The following TMEM117 variants were observed in gnomAD, a reference collection of about 807,000 sequenced individuals.
The protein encoded by TMEM117 is transmembrane protein 117.
A neutral mutation model predicts 52.4 loss-of-function variants in TMEM117; 27 were observed. The observed-to-expected ratio is 0.51, with a 90% CI of 0.38 to 0.71. TMEM117 has a LOEUF of 0.71. Ranked by LOEUF, TMEM117 falls within the 30% of genes least tolerant of loss-of-function variation. The pLI is 0.00. For synonymous variants in TMEM117, 215 were observed against 206.3 expected, an observed-to-expected ratio of 1.04 and a Z score of -0.36; for missense variants, 556 against 630.5, an observed-to-expected ratio of 0.88 and a Z score of 1.26.
intron 2 of TMEM117, among the ~76,000 whole-genome samples, chr12:43,903,428 C>T (rs896223172): frequency 6.6e-6 from 1 of 152,070 alleles, no homozygotes; most frequent in African/African-American, 2.4e-5. Context: ...AGTCATCTCA[C>T]ATAAAAAATG....
intron 4 of TMEM117, among the ~76,000 whole-genome samples, chr12:44,193,413 T>G (rs1949380401): frequency 6.6e-6 from 1 of 152,166 alleles, no homozygotes; most frequent in African/African-American, 2.4e-5. Flanking sequence ...AAAGTGTGAC[T>G]CAAACCCAGA....
At chr12:44,273,927 C>A (rs1174782517) in intron 5 of TMEM117, among the ~76,000 whole-genome samples, 1 of 152,076 alleles carries the variant, frequency 6.6e-6, no homozygotes, top group East Asian at 1.9e-4. Flanking sequence ...AGAATGCCCA[C>A]TTTCAACACT....
chr12:44,168,762 G>A (rs537375139), intron 4 of TMEM117, among the ~76,000 whole-genome samples: 2 of 151,234 alleles, frequency 1.3e-5, no homozygotes, highest in East Asian at 2.0e-4. Context: ...GTCTGGTGAC[G>A]CTGGTCATTC....
intron 3 of TMEM117, among the ~76,000 whole-genome samples, chr12:44,023,772 A>G (rs991877751): frequency 1.5e-5 from 2 of 131,842 alleles, no homozygotes; most frequent in African/African-American, 5.7e-5. Flanking sequence ...ATGAGAACAC[A>G]TGGACACAGG....
At chr12:44,039,949 C>T (rs1333829791) in intron 3 of TMEM117, among the ~76,000 whole-genome samples, 1 of 151,900 alleles carries the variant, frequency 6.6e-6, no homozygotes, top group Non-Finnish European at 1.5e-5. Context: ...AATTTTTTTC[C>T]ATAAAGGTCT....
At chr12:43,830,610 CAAA>C in the TMEM117 span, among the ~76,000 whole-genome samples, 16 of 94,740 alleles carry the variant, frequency 1.7e-4, no homozygotes, top group Non-Finnish European at 2.1e-4. Flanking sequence ...ACACTTGTCT[CAAA>C]AAAAAAAAAA....
chr12:43,798,636 ATCAC>A, the TMEM117 span: 3 of 1,428,994 alleles, frequency 2.1e-6, no homozygotes, highest in Non-Finnish European at 2.8e-6. Context: ...AAAAAAAAAA[ATCAC>A]ATAAAAAGCC....
intron 2 of TMEM117, among the ~76,000 whole-genome samples, chr12:43,942,465 T>G (rs962439037): frequency 6.6e-6 from 1 of 152,160 alleles, no homozygotes; most frequent in African/African-American, 2.4e-5. Context: ...ATCTTATAAT[T>G]TGTGGGGGCT....
intron 4 of TMEM117, among the ~76,000 whole-genome samples, chr12:44,152,866 T>TCA (rs1431155226): frequency 6.8e-6 from 1 of 146,092 alleles, no homozygotes; most frequent in Admixed American, 7.1e-5. Flanking sequence ...TACATTATAT[T>TCA]TATGGAACCA....
At chr12:43,909,952 C>T (rs1419033684) in intron 2 of TMEM117, among the ~76,000 whole-genome samples, 1 of 133,334 alleles carries the variant, frequency 7.5e-6, no homozygotes, top group Non-Finnish European at 1.7e-5. Context: ...TGAAACTATT[C>T]CAATCAATAG....
intron 6 of TMEM117, among the ~76,000 whole-genome samples, chr12:44,354,260 T>C (rs1482561755): frequency 1.3e-5 from 2 of 152,114 alleles, no homozygotes; most frequent in Non-Finnish European, 2.9e-5. Flanking sequence ...TGACTTCCTC[T>C]TTTCCTAATT....
chr12:44,164,662 T>C (rs1353797845), intron 4 of TMEM117, among the ~76,000 whole-genome samples: 1 of 152,190 alleles, frequency 6.6e-6, no homozygotes, highest in Non-Finnish European at 1.5e-5. Flanking sequence ...CTCTGGGATA[T>C]AATAAGAGGA....
At chr12:44,257,970 G>A (rs1950279030) in intron 5 of TMEM117, among the ~76,000 whole-genome samples, 1 of 151,940 alleles carries the variant, frequency 6.6e-6, no homozygotes, top group East Asian at 1.9e-4. Context: ...TGTTAATCCA[G>A]TATATTTAAA....
intron 6 of TMEM117, among the ~76,000 whole-genome samples, chr12:44,326,936 A>T (rs1250845034): frequency 1.3e-5 from 2 of 152,226 alleles, no homozygotes; most frequent in African/African-American, 4.8e-5. Flanking sequence ...GTTAAGCTCT[A>T]GTCAAGGCGG....
chr12:44,168,962 G>A (rs1172265687), intron 4 of TMEM117, among the ~76,000 whole-genome samples: 2 of 152,112 alleles, frequency 1.3e-5, no homozygotes, highest in Admixed American at 1.3e-4. Context: ...TACAATATTT[G>A]TCCTTTTGTG....
chr12:44,013,146 A>G (rs538778790), intron 3 of TMEM117, among the ~76,000 whole-genome samples: 1 of 151,902 alleles, frequency 6.6e-6, no homozygotes, highest in South Asian at 2.1e-4. Context: ...CTTCCGCCTC[A>G]GCCTCCAAAG....
Position 44,328,986 on chromosome 12 carries a change from A to G in TMEM117, c.768+29247A>G, listed in dbSNP as rs376530855. Among the ~76,000 whole-genome samples the G allele has an allele frequency of 1.9e-4, 29 of 151,920 alleles. No homozygotes were observed. In the South Asian group the frequency reaches 5.8e-3, roughly 31 times the overall value. On this transcript the variant is annotated intron_variant, in intron 6 of 7. Transcript: ENST00000266534. ...ACCCTAACTTCCACAGAGATGCCAC[A>G]TGGGTCGCAGAAGGGACAAGCAGAA...
intron 2 of TMEM117, among the ~76,000 whole-genome samples, chr12:43,909,602 A>G (rs1261844709): frequency 6.6e-6 from 1 of 151,516 alleles, no homozygotes; most frequent in Non-Finnish European, 1.5e-5. Context: ...GACCGCTAGC[A>G]AGACTAATAA....
intron 3 of TMEM117, among the ~76,000 whole-genome samples, chr12:44,103,743 T>G (rs1306809254): frequency 1.3e-5 from 2 of 152,052 alleles, no homozygotes; most frequent in Non-Finnish European, 2.9e-5. Context: ...ACTTGTATTA[T>G]TTGTGGGAAA....
Sources: allele counts gnomAD v4.1 joint callset (sites outside exome capture counted in the v4.1 genomes callset), GRCh38; gene constraint gnomAD v4.1.1; transcripts MANE v1.5; gene names NCBI Gene and HGNC (gene_info 2026-07-23, HGNC 2026-07-21).